SLC3A1: variants seen among roughly 807,000 people sequenced by gnomAD.
The protein encoded by SLC3A1 is amino acid transporter heavy chain SLC3A1.
A neutral mutation model predicts 60.3 loss-of-function variants in SLC3A1; 78 were observed. The ratio of observed to expected loss-of-function variants is 1.29; its 90% CI spans 1.08 to 1.56. The LOEUF is 1.56. Ranked by LOEUF, SLC3A1 falls within the 40% of genes most tolerant of loss-of-function variation. The pLI is 0.00. For synonymous variants in SLC3A1, 392 were observed against 307.9 expected (o/e 1.27, Z -2.86); for missense variants, 1,172 against 858.9 (o/e 1.36, Z -4.56).
chr2:44,312,031 C>G (rs1672311038), intron 7 of SLC3A1, among the ~76,000 whole-genome samples: 1 of 152,048 alleles, frequency 6.6e-6, no homozygotes, highest in Non-Finnish European at 1.5e-5. Flanking sequence ...CTTATTTAAA[C>G]AAACTTATTT....
rs1321421189 is a variant in SLC3A1 at position 44,305,525 on chromosome 2, T to A, written c.1332+1187T>A. 2.0e-5 allele frequency among the ~76,000 whole-genome samples: 3 copies of A among 150,940 alleles called. No homozygotes were observed. In the East Asian group the frequency reaches 5.8e-4, roughly 29 times the overall value. The stretch of plus-strand genomic sequence containing the variant: ...TTACTGCAACCTCCACCTCCTGGGT[T>A]CAAGCAATTTTTCTGCCTCAGCCTC... On this transcript the variant is annotated intron_variant, in intron 7 of 9. Transcript: ENST00000260649.
chr2:44,300,172 A>G (rs1572803956), intron 5 of SLC3A1, 82 bp downstream of exon 5: 1 of 1,396,396 alleles, frequency 7.2e-7, no homozygotes, highest in Non-Finnish European at 1.0e-6. Flanking sequence ...CTGAGATACC[A>G]GTTACAAAGA....
At chr2:44,279,446 C>T (rs1671440352) in intron 1 of SLC3A1, among the ~76,000 whole-genome samples, 1 of 152,192 alleles carries the variant, frequency 6.6e-6, no homozygotes, top group Admixed American at 6.5e-5. Flanking sequence ...GCTTCCTCTG[C>T]CCCTGGGGGT....
chr2:44,277,952 C>G (rs1558451767), intron 1 of SLC3A1, among the ~76,000 whole-genome samples: 2 of 152,160 alleles, frequency 1.3e-5, no homozygotes, highest in Non-Finnish European at 1.5e-5. Flanking sequence ...TGCCCTCTCT[C>G]CTTCTAAAAT....
chr2:44,320,787 T>C lies in SLC3A1; in HGVS notation c.*148T>C. 5.7e-6 allele frequency: 4 copies of C among 704,254 alleles called. No homozygotes were observed. The highest frequency in any genetic ancestry group is 7.3e-6 in the Non-Finnish European group (3 of 410,136). The allele number at this position is 704,254 out of a possible 1,614,324, so 43.6% of individuals were successfully genotyped here. On this transcript the variant is annotated 3_prime_UTR_variant, in exon 10 of 10. Coordinates refer to ENST00000260649, the MANE Select transcript of SLC3A1 (RefSeq NM_000341.4). ...AATGTAACTGCTTTAAGAAAGGTTC[T>C]CAAATGTTTTGAAAAAAATAAAATG...
At chr2:44,297,596 G>A (rs566405042) in intron 4 of SLC3A1, among the ~76,000 whole-genome samples, 1 of 152,262 alleles carries the variant, frequency 6.6e-6, no homozygotes, top group South Asian at 2.1e-4. Context: ...ACCATCCCTT[G>A]TCCCACATGT....
At chr2:44,321,638 G>GT, downstream of SLC3A1, 1 of 1,496,524 alleles carries the variant, frequency 6.7e-7, no homozygotes, top group Admixed American at 2.4e-5. Flanking sequence ...CAGAGCTCAC[G>GT]TATCAAGTAC....
At chr2:44,294,857 C>G (rs894703271) in intron 4 of SLC3A1, among the ~76,000 whole-genome samples, 1 of 152,086 alleles carries the variant, frequency 6.6e-6, no homozygotes, top group Non-Finnish European at 1.5e-5. Flanking sequence ...AGATGGACAA[C>G]CTGTGATTTA....
chr2:44,306,645 C>T lies in SLC3A1; in HGVS notation c.1332+2307C>T, dbSNP rs1160976643. Reference sequence around the variant, plus strand: ...CCCGGCTCACTTCAACCTCTGCCTCCTGGGTTCAAGTAATTCTCCTGCCTC... The same window carrying T: ...CCCGGCTCACTTCAACCTCTGCCTCTTGGGTTCAAGTAATTCTCCTGCCTC... On this transcript the variant is annotated intron_variant, in intron 7 of 9. Coordinates refer to ENST00000260649, the MANE Select transcript of SLC3A1 (RefSeq NM_000341.4). Among the ~76,000 whole-genome samples, 6 of 149,292 alleles carry T rather than the reference C, an allele frequency of 4.0e-5. No individual in the cohort carries two copies. In the Admixed American group the frequency reaches 4.1e-4, roughly 10 times the overall value.
intron 7 of SLC3A1, among the ~76,000 whole-genome samples, chr2:44,307,007 CCT>C (rs1166658380): frequency 6.6e-6 from 1 of 152,162 alleles, no homozygotes; most frequent in Non-Finnish European, 1.5e-5. Context: ...ATGGCCCCTC[CCT>C]CTCTGTCCTC....
At position 44,314,208 on chromosome 2, in the gene SLC3A1, G is replaced by T. The variant is rs1473677618; in HGVS notation, c.1617+257G>T. 3.5e-5 allele frequency: 31 copies of T among 874,560 alleles called. 1 individual carries two copies. The South Asian group carries it at 5.7e-4, about 16-fold the overall frequency. The allele number at this position is 874,560 out of a possible 1,614,324, so 54.2% of individuals were successfully genotyped here. A position where few individuals can be genotyped will look rare whatever the true frequency, so the allele number is the denominator to read the frequency against. On this transcript the variant is annotated intron_variant, in intron 9 of 9. Coordinates refer to ENST00000260649, the MANE Select transcript of SLC3A1 (RefSeq NM_000341.4). ...CTTCATTGCAATGACCTTTACTAAGGCCTTTGAGCTATGAAGGAAATTTTA... is the reference window on the plus strand; with the variant it reads ...CTTCATTGCAATGACCTTTACTAAGTCCTTTGAGCTATGAAGGAAATTTTA...
At chr2:44,286,300 A>G in intron 4 of SLC3A1, 143 bp downstream of exon 4, 1 of 784,218 alleles carries the variant, frequency 1.3e-6, no homozygotes, top group South Asian at 1.5e-5. Context: ...GAAACACTTT[A>G]TATTGCACAA....
At chr2:44,278,506 T>C (rs1265058163) in intron 1 of SLC3A1, among the ~76,000 whole-genome samples, 2 of 152,046 alleles carry the variant, frequency 1.3e-5, no homozygotes, top group South Asian at 2.1e-4. Flanking sequence ...CAGTGTGTTA[T>C]AGGGGAAAAG....
chr2:44,276,025 T>A, intron 1 of SLC3A1, 60 bp downstream of exon 1: 1 of 1,512,352 alleles, frequency 6.6e-7, no homozygotes, highest in South Asian at 1.1e-5. Context: ...ATGGTTCTTT[T>A]GTTCTTCAGA....
At chr2:44,310,074 T>C (rs1672255637) in intron 7 of SLC3A1, among the ~76,000 whole-genome samples, 2 of 151,914 alleles carry the variant, frequency 1.3e-5, no homozygotes, top group South Asian at 4.2e-4. Flanking sequence ...TTGTATTTTT[T>C]GTGGAGATGG....
In SLC3A1 at chr2:44,303,085, T is replaced by C. The variant is rs368002511; in HGVS notation, c.1137-1058T>C. Among the ~76,000 whole-genome samples, 94 of 151,124 alleles carry C rather than the reference T, an allele frequency of 6.2e-4. 1 individual carries two copies. Among genetic ancestry groups the C allele is most frequent in the Middle Eastern group, 6.8e-3 (2 of 292 alleles). On this transcript the variant is annotated intron_variant, in intron 6 of 9. Transcript: ENST00000260649. Reference sequence around the variant, plus strand: ...GCGTGGTGGCGGGTGCCTGTAATCCTAGCTACTCGGGAGGCTGAGGCAGGA... The same window carrying C: ...GCGTGGTGGCGGGTGCCTGTAATCCCAGCTACTCGGGAGGCTGAGGCAGGA...
chr2:44,287,789 A>T (rs1671651225), intron 4 of SLC3A1, among the ~76,000 whole-genome samples: 1 of 152,064 alleles, frequency 6.6e-6, no homozygotes, highest in Admixed American at 6.6e-5. Flanking sequence ...TGGGAAGGAG[A>T]CCCTAACAGA....
At chr2:44,311,648 T>A (rs981670827) in intron 7 of SLC3A1, among the ~76,000 whole-genome samples, 1 of 150,786 alleles carries the variant, frequency 6.6e-6, no homozygotes, top group Admixed American at 6.6e-5. Context: ...TTTCTGGCCA[T>A]AAACATAGAA....
In SLC3A1 at chr2:44,313,818, C is replaced by G. The variant is rs375489074; in HGVS notation, c.1501-17C>G. The G allele has an allele frequency of 5.1e-6, 8 of 1,581,730 alleles. No individual in the cohort carries two copies. The highest frequency in any genetic ancestry group is 7.0e-6 in the Non-Finnish European group (8 of 1,150,548). ...ATAACCAAACCACTGTTTTCCCTTT[C>G]TGGTCTTTTGACATAGAATACCCTT... On this transcript the variant is annotated splice_polypyrimidine_tract_variant and intron_variant, in intron 8 of 9. Transcript: ENST00000260649.
Sources: gnomAD v4.1 joint callset for allele counts (sites outside exome capture counted in the v4.1 genomes callset) on GRCh38, gnomAD v4.1.1 for gene constraint, MANE v1.5 for transcripts, NCBI Gene and HGNC (gene_info 2026-07-23, HGNC 2026-07-21) for gene names.